Variants in SDC2 observed in about 807,000 individuals in gnomAD.
The protein encoded by SDC2 is syndecan-2.
Under a neutral mutation model 22.2 loss-of-function variants are expected in SDC2, and 13 were observed. That is an observed-to-expected ratio of 0.59 (90% CI 0.38 to 0.93). The LOEUF (loss-of-function observed/expected upper bound fraction) is 0.93. Ranked by LOEUF, SDC2 falls within the 40% of genes least tolerant of loss-of-function variation. The pLI is 0.00. For missense variants in SDC2, 235 were observed against 246.8 expected (o/e 0.95, Z 0.32); for synonymous variants, 94 against 92.8 (o/e 1.01, Z -0.07).
At chr8:96,513,628 A>G (rs1188708077) in intron 1 of SDC2, among the ~76,000 whole-genome samples, 3 of 152,232 alleles carry the variant, frequency 2.0e-5, no homozygotes, top group Admixed American at 1.3e-4. Flanking sequence ...AAAAACGACA[A>G]AAACATCTTT....
intron 2 of SDC2, among the ~76,000 whole-genome samples, chr8:96,600,138 GA>G (rs533973641): frequency 8.2e-4 from 125 of 152,272 alleles, no homozygotes; most frequent in Middle Eastern, 3.4e-3. Context: ...TGGCCTGGGT[GA>G]CAGAGCAAGA....
intron 1 of SDC2, among the ~76,000 whole-genome samples, chr8:96,536,240 G>A (rs1813752680): frequency 6.6e-6 from 1 of 152,092 alleles, no homozygotes; most frequent in Non-Finnish European, 1.5e-5. Context: ...GTGAAGGGAG[G>A]CAGTGACGTG....
At chr8:96,580,475 T>C in intron 1 of SDC2, 1 of 985,356 alleles carries the variant, frequency 1.0e-6, no homozygotes. Flanking sequence ...CATGTTTTCA[T>C]TTGGCATCTT....
chr8:96,506,881 C>T lies in SDC2; in HGVS notation c.60+12550C>T, dbSNP rs1042754510. On this transcript the variant is annotated intron_variant, in intron 1 of 4. Coordinates refer to ENST00000302190, the MANE Select transcript of SDC2 (RefSeq NM_002998.4). ...AAAATTAGCTGGGTGTGGTGGCGGGCGCCTGTAGTCCCAGCTACTCGGGAG... is the reference window on the plus strand; with the variant it reads ...AAAATTAGCTGGGTGTGGTGGCGGGTGCCTGTAGTCCCAGCTACTCGGGAG... Among the ~76,000 whole-genome samples the T allele has an allele frequency of 5.9e-5, 9 of 151,932 alleles. No individual in the cohort carries two copies. The South Asian group carries it at 6.2e-4, about 11-fold the overall frequency.
intron 1 of SDC2, among the ~76,000 whole-genome samples, chr8:96,560,282 G>C (rs1270083706): frequency 2.0e-5 from 3 of 152,154 alleles, no homozygotes; most frequent in Non-Finnish European, 4.4e-5. Flanking sequence ...TTCAGCCTCA[G>C]CTTGCTAGTA....
At chr8:96,542,996 TAGGC>T (rs1211353879) in intron 1 of SDC2, among the ~76,000 whole-genome samples, 1 of 152,168 alleles carries the variant, frequency 6.6e-6, no homozygotes, top group African/African-American at 2.4e-5. Context: ...GAGGGGAACT[TAGGC>T]AGGCTGCTGG....
chr8:96,604,048 G>T (rs1388634079), intron 3 of SDC2, among the ~76,000 whole-genome samples: 1 of 152,174 alleles, frequency 6.6e-6, no homozygotes, highest in Non-Finnish European at 1.5e-5. Context: ...TACTAAAGAT[G>T]CATTTGGCTC....
Position 96,576,368 on chromosome 8 carries a change from G to GTTTTTTTTTTTTTTTTTTTTTTT in SDC2, c.61-17107_61-17106insTTTTTTTTTTTTTTTTTTTTTTT, listed in dbSNP as rs1481198542. 6.6e-4 allele frequency among the ~76,000 whole-genome samples: 11 copies of GTTTTTTTTTTTTTTTTTTTTTTT among 16,592 alleles called. 1 individual carries two copies. The highest frequency in any genetic ancestry group is 1.4e-3 in the African/African-American group (11 of 8,004). 10.9% of individuals were successfully genotyped at this position (16,592 alleles called of 152,430 possible). A position where few individuals can be genotyped will look rare whatever the true frequency, so the allele number is the denominator to read the frequency against. ...ACATAAGTTCAATAATTGGTAGTTT[G>GTTTTTTTTTTTTTTTTTTTTTTT]TTTTTGTTTTGTTTTGTTTTTTTTT... is the stretch of plus-strand genomic sequence containing the variant. On this transcript the variant is annotated intron_variant, in intron 1 of 4. Coordinates refer to ENST00000302190, the MANE Select transcript of SDC2 (RefSeq NM_002998.4).
At chr8:96,597,029 G>C (rs997491217) in intron 2 of SDC2, among the ~76,000 whole-genome samples, 1 of 152,148 alleles carries the variant, frequency 6.6e-6, no homozygotes, top group Non-Finnish European at 1.5e-5. Flanking sequence ...CCTTTCCTCT[G>C]TCATGTAGCA....
At chr8:96,524,520 C>A (rs888343334) in intron 1 of SDC2, among the ~76,000 whole-genome samples, 2 of 152,156 alleles carry the variant, frequency 1.3e-5, no homozygotes, top group East Asian at 3.9e-4. Flanking sequence ...AGGGTATCAA[C>A]TCCTCTGGTT....
At chr8:96,532,412 G>GTTTTTTTTTGTTTTTT (rs1813676672) in intron 1 of SDC2, among the ~76,000 whole-genome samples, 1 of 47,944 alleles carries the variant, frequency 2.1e-5, no homozygotes, top group African/African-American at 1.0e-4. Flanking sequence ...TTATTGAGGC[G>GTTTTTTTTTGTTTTTT]TTTTTTTTTT....
chr8:96,543,973 G>T (rs1340271374), intron 1 of SDC2, among the ~76,000 whole-genome samples: 3 of 152,154 alleles, frequency 2.0e-5, no homozygotes, highest in African/African-American at 7.2e-5. Flanking sequence ...ATTGTATTCT[G>T]TATGTTAGTG....
intron 1 of SDC2, among the ~76,000 whole-genome samples, chr8:96,519,719 C>G (rs1813465288): frequency 6.6e-6 from 1 of 151,830 alleles, no homozygotes. Context: ...GTGGTGCAAT[C>G]TCTCCTCCCG....
At chr8:96,560,418 CTA>C (rs1490642193) in intron 1 of SDC2, among the ~76,000 whole-genome samples, 3 of 152,112 alleles carry the variant, frequency 2.0e-5, no homozygotes, top group African/African-American at 7.2e-5. Context: ...GTATTAAGTG[CTA>C]TATGAGTTAA....
intron 4 of SDC2, 131 bp downstream of exon 4, chr8:96,608,601 C>A: frequency 1.3e-6 from 1 of 764,966 alleles, no homozygotes; most frequent in Non-Finnish European, 2.0e-6. Flanking sequence ...TGCTTGATTC[C>A]AGAGCGAGAA....
At chr8:96,541,588 C>A (rs1248767535) in intron 1 of SDC2, among the ~76,000 whole-genome samples, 1 of 151,450 alleles carries the variant, frequency 6.6e-6, no homozygotes, top group African/African-American at 2.4e-5. Context: ...AGAAGCCAGC[C>A]AGAAACAGAA....
At chr8:96,533,355 G>A (rs998513800) in intron 1 of SDC2, among the ~76,000 whole-genome samples, 1 of 152,176 alleles carries the variant, frequency 6.6e-6, no homozygotes, top group African/African-American at 2.4e-5. Flanking sequence ...TTTATAGAGA[G>A]CTGATTGGTC....
At chr8:96,600,632 G>A (rs1029125856) in intron 2 of SDC2, among the ~76,000 whole-genome samples, 6 of 152,140 alleles carry the variant, frequency 3.9e-5, no homozygotes, top group Admixed American at 6.5e-5. Flanking sequence ...TGTTAAGAGT[G>A]GAGGGATAAT....
At position 96,578,208 on chromosome 8, in the gene SDC2, G is replaced by C. The variant is rs544827045; in HGVS notation, c.61-15272G>C. Among the ~76,000 whole-genome samples the C allele has an allele frequency of 3.9e-5, 6 of 152,306 alleles. 1 individual carries two copies. The South Asian group carries it at 1.2e-3, about 32-fold the overall frequency. On this transcript the variant is annotated intron_variant, in intron 1 of 4. Coordinates refer to ENST00000302190, the MANE Select transcript of SDC2 (RefSeq NM_002998.4). ...TAGCCCAGCAAAGGTAGGTGGCTTT[G>C]ATGTGTCCAGGCTTCCAACAGCAGT...
Sources: allele counts gnomAD v4.1 joint callset (sites outside exome capture counted in the v4.1 genomes callset), GRCh38; gene constraint gnomAD v4.1.1; transcripts MANE v1.5; gene names NCBI Gene and HGNC (gene_info 2026-07-23, HGNC 2026-07-21).